The following DNAH9 variants were observed in gnomAD, a reference collection of about 807,000 sequenced individuals.
DNAH9 encodes the protein DNAH9 variant protein.
A neutral mutation model predicts 471.6 loss-of-function variants in DNAH9; 345 were observed. That is an observed-to-expected ratio of 0.73 (90% confidence interval 0.67 to 0.80). The LOEUF is 0.80. Ranked by LOEUF, DNAH9 falls within the 30% of genes least tolerant of loss-of-function variation. DNAH9 has a pLI of 0.00. For synonymous variants in DNAH9, 2,093 were observed against 2,123.6 expected (o/e 0.99, Z 0.40); for missense variants, 5,407 against 5,609.2 (o/e 0.96, Z 1.15).
intron 61 of DNAH9, among the ~76,000 whole-genome samples, chr17:11,918,617 G>A (rs903051653): frequency 2.0e-5 from 3 of 152,156 alleles, no homozygotes; most frequent in African/African-American, 7.2e-5. Flanking sequence ...ATGGAGTATT[G>A]TTTTTTTGTG....
chr17:11,633,317 A>G (rs1027788274), intron 8 of DNAH9, among the ~76,000 whole-genome samples: 1 of 152,214 alleles, frequency 6.6e-6, no homozygotes, highest in African/African-American at 2.4e-5. Flanking sequence ...GGGTTCCAGT[A>G]GTTGGTAGAA....
intron 58 of DNAH9, among the ~76,000 whole-genome samples, chr17:11,893,702 G>A (rs1973131890): frequency 6.6e-6 from 1 of 152,202 alleles, no homozygotes; most frequent in Admixed American, 6.5e-5. Flanking sequence ...ACACACTGGG[G>A]CCTGTCAGGG....
In DNAH9 at chr17:11,906,511, C is replaced by T. The variant is rs1039185938; in HGVS notation, c.11749+702C>T. Among the ~76,000 whole-genome samples, 7 of 151,864 alleles carry T rather than the reference C, an allele frequency of 4.6e-5. No homozygotes were observed. In the South Asian group the frequency reaches 1.5e-3, roughly 32 times the overall value. On this transcript the variant is annotated intron_variant, in intron 61 of 68. Transcript: ENST00000262442. ...GCATGGTGGCAGGCACCTGTAATCC[C>T]AGCTACTCGGGAAGCTGAGGCAGGA...
rs574071436 is a variant in DNAH9, at chr17:11,935,847, A to G, written c.12490-1505A>G. ...AAATCGTAAAAGTCATTTGATCCAG[A>G]AAAATTGGACCTATAAGAGGAGATT... On this transcript the variant is annotated intron_variant, in intron 65 of 68. Coordinates refer to ENST00000262442, the MANE Select transcript of DNAH9 (RefSeq NM_001372.4). Among the ~76,000 whole-genome samples, 3 of 152,310 alleles carry G rather than the reference A, an allele frequency of 2.0e-5. No individual in the cohort carries two copies. The South Asian group carries it at 6.2e-4, about 32-fold the overall frequency.
intron 67 of DNAH9, among the ~76,000 whole-genome samples, chr17:11,947,773 T>A (rs56800435): frequency 0.15 from 4,701 of 31,790 alleles, 583 homozygotes; most frequent in African/African-American, 0.32. Flanking sequence ...CTGGGAACTA[T>A]TTTTTTTTTT....
intron 61 of DNAH9, among the ~76,000 whole-genome samples, chr17:11,916,302 TAC>T (rs1973956028): frequency 6.6e-6 from 1 of 152,206 alleles, no homozygotes; most frequent in South Asian, 2.1e-4. Flanking sequence ...TGTCTCAGAA[TAC>T]GTTATCTCAG....
intron 4 of DNAH9, among the ~76,000 whole-genome samples, chr17:11,615,361 G>A (rs555957687): frequency 2.6e-5 from 4 of 152,196 alleles, no homozygotes; most frequent in Admixed American, 1.3e-4. Flanking sequence ...GAGGCGGGCA[G>A]ATCACTTGAG....
chr17:11,834,605 A>G (rs1157638166), intron 48 of DNAH9, 33 bp from the exon 49 acceptor site: 1 of 1,611,566 alleles, frequency 6.2e-7, no homozygotes, highest in Non-Finnish European at 8.5e-7. Flanking sequence ...TCCAGTCACA[A>G]CTCCTGATAA....
chr17:11,683,242 C>T (rs561471790), intron 19 of DNAH9, among the ~76,000 whole-genome samples: 39 of 152,278 alleles, frequency 2.6e-4, no homozygotes, highest in Non-Finnish European at 4.7e-4. Context: ...GGCACGATCT[C>T]GGCTCACTGC....
chr17:11,666,050 G>A (rs917580625), intron 15 of DNAH9, among the ~76,000 whole-genome samples: 1 of 152,128 alleles, frequency 6.6e-6, no homozygotes, highest in Admixed American at 6.5e-5. Flanking sequence ...ATCAACAACA[G>A]GACTCAGGAA....
chr17:11,680,658 G>C lies in DNAH9; in HGVS notation c.3577-65G>C, dbSNP rs1227182617. Reference sequence around the variant, plus strand: ...GATGGAAGCATCTGGGCTCTGTCCAGCTCAGGACTATGGGAGAGGAAAGAG... The same window carrying C: ...GATGGAAGCATCTGGGCTCTGTCCACCTCAGGACTATGGGAGAGGAAAGAG... On this transcript the variant is annotated intron_variant, in intron 18 of 68. Transcript: ENST00000262442. The C allele has an allele frequency of 6.3e-6, 9 of 1,427,500 alleles. No individual in the cohort carries two copies. The Admixed American group carries it at 8.6e-5, about 14-fold the overall frequency. 88.4% of individuals were successfully genotyped at this position (1,427,500 alleles called of 1,614,324 possible). A position where few individuals can be genotyped will look rare whatever the true frequency, so the allele number is the denominator to read the frequency against.
chr17:11,867,159 C>G (rs1468133309), intron 50 of DNAH9, among the ~76,000 whole-genome samples: 1 of 152,248 alleles, frequency 6.6e-6, no homozygotes, highest in Non-Finnish European at 1.5e-5. Flanking sequence ...ATTCAGCCAT[C>G]TTGGCTCCTC....
In DNAH9 at chr17:11,929,918, A is replaced by G. The variant is rs757827269; in HGVS notation, c.11930A>G (p.Glu3977Gly). 1.9e-6 allele frequency: 3 copies of G among 1,613,898 alleles called. No individual in the cohort carries two copies. The highest frequency in any genetic ancestry group is 2.2e-5 in the East Asian group (1 of 44,862). The change falls in exon 63 of 69, where the codon GAG (glutamate) becomes GGG (glycine). Residue 3977 changes from glutamate to glycine, a missense_variant. Transcript: ENST00000262442. ...WLSTLEKKLEEHSENSHPEFR... is the reference protein window; with the variant it reads ...WLSTLEKKLEGHSENSHPEFR... ...AGCACCCTGGAGAAGAAGCTGGAGG[A>G]GCACAGTGAGAACAGCCACCCAGAG... is the stretch of plus-strand genomic sequence containing the variant.
intron 28 of DNAH9, among the ~76,000 whole-genome samples, chr17:11,736,215 G>A (rs1046371230): frequency 6.6e-6 from 1 of 152,132 alleles, no homozygotes; most frequent in Non-Finnish European, 1.5e-5. Context: ...AAAAGCTTGG[G>A]ATGGAATAAT....
chr17:11,603,865 A>AGTCCTC (rs1194711000), intron 1 of DNAH9, among the ~76,000 whole-genome samples: 1 of 152,156 alleles, frequency 6.6e-6, no homozygotes, highest in Non-Finnish European at 1.5e-5. Context: ...GCCCTGAATC[A>AGTCCTC]GTCCTCGTTC....
chr17:11,732,169 G>T (rs8075238), intron 28 of DNAH9, among the ~76,000 whole-genome samples: 128,576 of 152,196 alleles, frequency 0.84, 55,453 homozygotes, highest in Non-Finnish European at 0.92. Context: ...TTGAAGCTGC[G>T]CAACACAAGG....
chr17:11,747,471 G>T, intron 31 of DNAH9, 85 bp from the exon 32 acceptor site: 1 of 1,091,044 alleles, frequency 9.2e-7, no homozygotes, highest in Admixed American at 1.9e-5. Flanking sequence ...TCTCACTTCA[G>T]ACACCAGCTG....
chr17:11,598,875 C>G lies in DNAH9; in HGVS notation c.377C>G (p.Pro126Arg), dbSNP rs772743772. The G allele has an allele frequency of 1.9e-6, 3 of 1,543,326 alleles. No individual in the cohort carries two copies. Among genetic ancestry groups the G allele is most frequent in the Admixed American group, 3.7e-5 (2 of 54,314 alleles). Reference protein sequence around the residue: ...FRGAVVCGDLPAAPLEHLAAL... With the variant: ...FRGAVVCGDLRAAPLEHLAAL... ...GGCGCAGTGGTCTGCGGGGACCTGC[C>G]CGCGGCACCTCTGGAGCACCTAGCC... The change falls in exon 1 of 69, where the codon CCC (proline) becomes CGC (arginine). Residue 126 changes from proline (P) to arginine (R), a missense_variant. Coordinates refer to ENST00000262442, the MANE Select transcript of DNAH9 (RefSeq NM_001372.4).
chr17:11,763,348 C>G, intron 35 of DNAH9, 92 bp from the exon 36 acceptor site: 1 of 1,110,944 alleles, frequency 9.0e-7, no homozygotes, highest in Non-Finnish European at 1.3e-6. Flanking sequence ...ACCATGAGTC[C>G]ACTGAAACTG....
Sources: allele counts gnomAD v4.1 joint callset (sites outside exome capture counted in the v4.1 genomes callset), GRCh38; gene constraint gnomAD v4.1.1; transcripts MANE v1.5; gene names NCBI Gene and HGNC (gene_info 2026-07-23, HGNC 2026-07-21).